The following ALG1 variants were observed in gnomAD, a reference collection of about 807,000 sequenced individuals.
ALG1 encodes the protein chitobiosyldiphosphodolichol beta-mannosyltransferase.
ALG1 carries 58 observed loss-of-function variants against 55.1 expected under a neutral mutation model. That is an observed-to-expected ratio of 1.05 (90% CI 0.85 to 1.31). The LOEUF (loss-of-function observed/expected upper bound fraction) is 1.31. Ranked by LOEUF, ALG1 falls within the 50% of genes most tolerant of loss-of-function variation. ALG1 has a pLI of 0.00. For missense variants in ALG1, 761 were observed against 598.6 expected (o/e 1.27, Z -2.83); for synonymous variants, 309 against 247.0 (o/e 1.25, Z -2.35).
chr16:5,078,734 A>G (rs1458329618), intron 6 of ALG1, 23 bp from the exon 7 acceptor site: 2 of 1,612,514 alleles, frequency 1.2e-6, no homozygotes, highest in Non-Finnish European at 1.7e-6. Context: ...GGCCTCTCAC[A>G]GGCTTTTTTT....
chr16:5,076,878 T>A (rs942328253), intron 4 of ALG1, among the ~76,000 whole-genome samples: 1 of 139,630 alleles, frequency 7.2e-6, no homozygotes, highest in Non-Finnish European at 1.5e-5. Context: ...CACTGCAGCC[T>A]CCGCCTTCTG....
At chr16:5,075,298 T>C (rs1956889627) in intron 3 of ALG1, 90 bp from the exon 4 acceptor site, 1 of 1,344,054 alleles carries the variant, frequency 7.4e-7, no homozygotes, top group African/African-American at 1.4e-5. Flanking sequence ...GATAACAGAC[T>C]CATCACCATG....
intron 8 of ALG1, 84 bp from the exon 9 acceptor site, chr16:5,079,664 G>A (rs1956982056): frequency 6.8e-7 from 1 of 1,470,048 alleles, no homozygotes; most frequent in African/African-American, 1.4e-5. Context: ...ATTCCAGCCT[G>A]GGTGACAGAG....
At chr16:5,077,015 G>C (rs113583360) in intron 4 of ALG1, among the ~76,000 whole-genome samples, 1 of 151,834 alleles carries the variant, frequency 6.6e-6, no homozygotes, top group African/African-American at 2.4e-5. Flanking sequence ...GGCTGGTCTC[G>C]AACTCCTGAC....
rs755331781 is a variant in ALG1, at chr16:5,082,550, G to T, written c.1073-9G>T. ...ACCAGTGCTCTGACCCACCCCTCTT[G>T]CCTAGCAGGGTCGGCGGACCTGGGT... On this transcript the variant is annotated splice_polypyrimidine_tract_variant and intron_variant, in intron 10 of 12. Coordinates refer to ENST00000262374, the MANE Select transcript of ALG1 (RefSeq NM_019109.5). 6.2e-7 allele frequency: 1 copy of T among 1,611,832 alleles called. No individual in the cohort carries two copies. The highest frequency in any genetic ancestry group is 2.3e-4 in the Middle Eastern group (1 of 4,428).
At chr16:5,079,042 A>G in intron 7 of ALG1, 22 bp from the exon 8 acceptor site, 1 of 1,603,872 alleles carries the variant, frequency 6.2e-7, no homozygotes, top group Non-Finnish European at 8.5e-7. Flanking sequence ...CAGGCCCCTG[A>G]CATTCAATTC....
intron 9 of ALG1, among the ~76,000 whole-genome samples, chr16:5,080,107 G>C (rs1172768640): frequency 2.9e-5 from 4 of 139,136 alleles, no homozygotes; most frequent in Admixed American, 1.6e-4. Flanking sequence ...AGTCTCTGTC[G>C]CCCAGGCTGG....
At chr16:5,081,855 C>T (rs558746928) in intron 10 of ALG1, among the ~76,000 whole-genome samples, 7 of 151,792 alleles carry the variant, frequency 4.6e-5, no homozygotes, top group African/African-American at 1.7e-4. Flanking sequence ...ACCCATCACG[C>T]CTGGCCCCAG....
intron 5 of ALG1, 21 bp downstream of exon 5, chr16:5,077,555 G>A (rs764857383): frequency 2.5e-5 from 41 of 1,613,148 alleles, no homozygotes; most frequent in East Asian, 1.1e-4. Context: ...CTGGGATGAC[G>A]GCGGCCTGGG....
At chr16:5,072,213 G>A in intron 1 of ALG1, 156 bp downstream of exon 1, 3 of 1,533,016 alleles carry the variant, frequency 2.0e-6, no homozygotes, top group Non-Finnish European at 2.6e-6. Flanking sequence ...GCCTTTCCTG[G>A]GTGGGTCTCT....
intron 9 of ALG1, among the ~76,000 whole-genome samples, chr16:5,080,192 C>G (rs1348749572): frequency 1.3e-5 from 2 of 151,720 alleles, no homozygotes; most frequent in African/African-American, 4.8e-5. Flanking sequence ...CCCAGCCTCC[C>G]GAGTGGCTGG....
At chr16:5,073,387 A>G (rs1359177691) in intron 3 of ALG1, 131 bp downstream of exon 3, 3 of 779,904 alleles carry the variant, frequency 3.8e-6, no homozygotes, top group Non-Finnish European at 6.6e-6. Context: ...CATGAGTAGG[A>G]GCCTATGGTA....
chr16:5,073,384 A>G (rs1014205582), intron 3 of ALG1, 128 bp downstream of exon 3: 2 of 801,496 alleles, frequency 2.5e-6, no homozygotes, highest in Non-Finnish European at 4.2e-6. Flanking sequence ...AGACATGAGT[A>G]GGAGCCTATG....
chr16:5,074,611 T>A (rs1956875653), intron 3 of ALG1, among the ~76,000 whole-genome samples: 1 of 152,248 alleles, frequency 6.6e-6, no homozygotes, highest in Non-Finnish European at 1.5e-5. Flanking sequence ...TTTGTATAAG[T>A]CCAGTTTCTT....
intron 7 of ALG1, 32 bp downstream of exon 7, chr16:5,078,910 G>C: frequency 6.2e-7 from 1 of 1,609,514 alleles, no homozygotes; most frequent in Non-Finnish European, 8.5e-7. Context: ...CTTGGGGTTG[G>C]TGTGACGGGC....
In ALG1 at chr16:5,081,032, G is replaced by A. The variant is rs138275657; in HGVS notation, c.1048G>A (p.Ala350Thr). 26 of 1,594,324 alleles carry A rather than the reference G, an allele frequency of 1.6e-5. No homozygotes were observed. Among genetic ancestry groups the A allele is most frequent in the Non-Finnish European group, 2.2e-5 (26 of 1,178,774 alleles). The change falls in exon 10 of 13, where the codon GCC becomes ACC. Residue 350 changes from alanine (A) to threonine (T), a missense_variant. Coordinates refer to ENST00000262374, the MANE Select transcript of ALG1 (RefSeq NM_019109.5). ...HIQVCTPWLE[A>T]EDYPLLLGSA... ...CCAGGTCTGCACCCCCTGGCTGGAG[G>A]CCGAGGACTACCCCCTGCTTCTAGG...
chr16:5,076,229 T>C (rs1483515900), intron 4 of ALG1, among the ~76,000 whole-genome samples: 1 of 152,234 alleles, frequency 6.6e-6, no homozygotes, highest in African/African-American at 2.4e-5. Context: ...TCCGTGTGCA[T>C]GTCCAGCTGC....
rs1196233529 is a variant in ALG1, at chr16:5,082,593, C to T, written c.1107C>T (p.Ser369=). Residue 369 remains serine, a synonymous_variant, in exon 11 of 13, where the codon TCC becomes TCT. Coordinates refer to ENST00000262374, the MANE Select transcript of ALG1 (RefSeq NM_019109.5). The part of the protein sequence containing the change: ...SADLGVCLHT[S]SSGLDLPMKV... ...ACCTGGGTGTCTGTCTGCACACGTC[C>T]TCCAGTGGCCTGGACCTGCCCATGA... is the stretch of plus-strand genomic sequence containing the variant. The T allele has an allele frequency of 2.5e-6, 4 of 1,611,948 alleles. No individual in the cohort carries two copies. The highest frequency in any genetic ancestry group is 3.4e-6 in the Non-Finnish European group (4 of 1,179,888).
At chr16:5,078,167 T>C in intron 6 of ALG1, 150 bp downstream of exon 6, 1 of 899,822 alleles carries the variant, frequency 1.1e-6, no homozygotes, top group African/African-American at 1.6e-5. Context: ...CAAGTTTCAC[T>C]GGGACACAAC....
Sources: allele counts gnomAD v4.1 joint callset (sites outside exome capture counted in the v4.1 genomes callset), GRCh38; gene constraint gnomAD v4.1.1; transcripts MANE v1.5; gene names NCBI Gene and HGNC (gene_info 2026-07-23, HGNC 2026-07-21).